Variants in ERCC8 observed in about 807,000 individuals in gnomAD.
ERCC8 encodes DNA excision repair protein ERCC-8.
A neutral mutation model predicts 54.9 loss-of-function variants in ERCC8; 52 were observed. The ratio of observed to expected loss-of-function variants is 0.95; its 90% confidence interval spans 0.76 to 1.19. The LOEUF (loss-of-function observed/expected upper bound fraction) is 1.19, where lower values mean the gene tolerates loss of function less well. Ranked by LOEUF, ERCC8 falls within the 50% of genes most tolerant of loss-of-function variation. The pLI, the probability that ERCC8 is intolerant of heterozygous loss-of-function variation, is 0.00. For synonymous variants in ERCC8, 146 were observed against 157.2 expected (o/e 0.93, Z 0.53); for missense variants, 514 against 466.1 (o/e 1.10, Z -0.95).
chr5:60,918,107 C>T, intron 4 of ERCC8, 158 bp downstream of exon 4: 1 of 635,074 alleles, frequency 1.6e-6, no homozygotes, highest in Non-Finnish European at 2.9e-6. Context: ...AGCAGCACAG[C>T]CAGGATATGA....
chr5:60,897,315 AATATATAATTT>A (rs1748750260), intron 9 of ERCC8, among the ~76,000 whole-genome samples: 1 of 152,142 alleles, frequency 6.6e-6, no homozygotes, highest in African/African-American at 2.4e-5. Context: ...TACCTAATCT[AATATATAATTT>A]ATCCATCTGT....
At chr5:60,880,352 G>T (rs1748170313) in intron 11 of ERCC8, among the ~76,000 whole-genome samples, 1 of 152,164 alleles carries the variant, frequency 6.6e-6, no homozygotes, top group African/African-American at 2.4e-5. Flanking sequence ...TCTTGGAGTT[G>T]CTCTTCTCGA....
chr5:60,893,568 G>T, intron 9 of ERCC8: 1 of 679,054 alleles, frequency 1.5e-6, no homozygotes, highest in Non-Finnish European at 2.7e-6. Flanking sequence ...TTGTTTCTAA[G>T]TTTCATCATC....
chr5:60,930,741 T>C (rs903418435), intron 1 of ERCC8, among the ~76,000 whole-genome samples: 10 of 151,990 alleles, frequency 6.6e-5, no homozygotes, highest in African/African-American at 2.4e-4. Flanking sequence ...CATTGCAATT[T>C]AGCCTTAGGT....
intron 2 of ERCC8, among the ~76,000 whole-genome samples, chr5:60,923,833 T>C (rs957834563): frequency 6.6e-6 from 1 of 152,138 alleles, no homozygotes; most frequent in Non-Finnish European, 1.5e-5. Flanking sequence ...CCATCAAAAA[T>C]TCTTCACAGA....
chr5:60,891,030 G>A lies in ERCC8; in HGVS notation c.900C>T (p.Ser300=). ...NSKKGLKFTV[S]CGCSSEFVFV... Reference sequence around the variant, plus strand: ...AAACAAATTCTGAACTGCAGCCACAGGAGACAGTGAATTTCAATCCTTTTT... The same window carrying A: ...AAACAAATTCTGAACTGCAGCCACAAGAGACAGTGAATTTCAATCCTTTTT... The change falls in exon 10 of 12, where the codon TCC becomes TCT. Residue 300 remains serine (S), a synonymous_variant. Coordinates refer to ENST00000676185, the MANE Select transcript of ERCC8 (RefSeq NM_000082.4). 6.2e-7 allele frequency: 1 copy of A among 1,613,392 alleles called. No homozygotes were observed. Among genetic ancestry groups the A allele is most frequent in the South Asian group, 1.1e-5 (1 of 91,066 alleles).
In ERCC8 at chr5:60,879,679, G is replaced by GATTACAACC. The variant is rs767849136; in HGVS notation, c.1123-5005_1123-4997dup. The stretch of plus-strand genomic sequence containing the variant: ...TAAAGTCTGTTTTATCAGAGACTAG[G>GATTACAACC]ATTACAACCTCTGCCTTTTTTTGTT... On this transcript the variant is annotated intron_variant, in intron 11 of 11. Transcript: ENST00000676185. Among the ~76,000 whole-genome samples the GATTACAACC allele has an allele frequency of 2.2e-3, 342 of 152,248 alleles. 1 individual carries two copies. The highest frequency in any genetic ancestry group is 3.7e-3 in the Non-Finnish European group (255 of 68,012).
chr5:60,906,089 A>T (rs1048738978), intron 4 of ERCC8, among the ~76,000 whole-genome samples: 1 of 152,178 alleles, frequency 6.6e-6, no homozygotes, highest in Non-Finnish European at 1.5e-5. Context: ...TTGTGATGTT[A>T]TATGCAGGAG....
intron 4 of ERCC8, among the ~76,000 whole-genome samples, chr5:60,915,696 C>A (rs897071085): frequency 6.6e-6 from 1 of 151,928 alleles, no homozygotes; most frequent in African/African-American, 2.4e-5. Flanking sequence ...TCAAAGCTAG[C>A]AATTTTACAT....
chr5:60,888,525 T>C (rs1473557722), intron 10 of ERCC8, among the ~76,000 whole-genome samples: 1 of 152,144 alleles, frequency 6.6e-6, no homozygotes, highest in Non-Finnish European at 1.5e-5. Flanking sequence ...AGTGAAGACA[T>C]AAAGGAAATT....
At chr5:60,894,986 T>C (rs878963128) in intron 9 of ERCC8, among the ~76,000 whole-genome samples, 1 of 151,966 alleles carries the variant, frequency 6.6e-6, no homozygotes, top group Non-Finnish European at 1.5e-5. Context: ...CTGGCCAAGA[T>C]GGTGAAATCC....
In ERCC8 at chr5:60,899,611, A is replaced by T; in HGVS notation, c.718+16T>A. The T allele has an allele frequency of 6.5e-7, 1 of 1,546,040 alleles. No individual in the cohort carries two copies. Among genetic ancestry groups the T allele is most frequent in the Non-Finnish European group, 8.9e-7 (1 of 1,119,246 alleles). The stretch of plus-strand genomic sequence containing the variant: ...AATACTATCATTGTCATATTTATTA[A>T]TGCGTTCTTCCTTACCTGATTCAAC... On this transcript the variant is annotated intron_variant, in intron 8 of 11. Transcript: ENST00000676185.
At chr5:60,904,915 T>A in intron 4 of ERCC8, 42 bp from the exon 5 acceptor site, 1 of 994,400 alleles carries the variant, frequency 1.0e-6, no homozygotes, top group Non-Finnish European at 1.6e-6. Context: ...GGTTTAAGTA[T>A]AAAAACAAAG....
At chr5:60,892,316 T>C (rs1236626505) in intron 9 of ERCC8, 2 of 558,186 alleles carry the variant, frequency 3.6e-6, no homozygotes, top group Non-Finnish European at 7.3e-6. Context: ...TTTGAGTGGG[T>C]CTGTGTCACC....
Position 60,899,665 on chromosome 5 carries a change from T to C in ERCC8, c.680A>G (p.Asp227Gly), listed in dbSNP as rs765708773. Residue 227 changes from aspartate (D) to glycine (G), a missense_variant, in exon 8 of 12, where the codon GAT (aspartate) becomes GGT (glycine). Coordinates refer to ENST00000676185, the MANE Select transcript of ERCC8 (RefSeq NM_000082.4). ...TTGTGACTTTTTCCCATTATGTTGATCAAGAGTAATCAAACATCCTGATGC... is the reference window on the plus strand; with the variant it reads ...TTGTGACTTTTTCCCATTATGTTGACCAAGAGTAATCAAACATCCTGATGC... ...RRASGCLITL[D>G]QHNGKKSQAV... 1.9e-6 allele frequency: 3 copies of C among 1,612,378 alleles called. No homozygotes were observed. In the East Asian group the frequency reaches 6.7e-5, roughly 36 times the overall value.
intron 11 of ERCC8, among the ~76,000 whole-genome samples, chr5:60,877,349 A>T (rs946458482): frequency 1.3e-5 from 2 of 152,122 alleles, no homozygotes; most frequent in African/African-American, 4.8e-5. Context: ...CTTAGGATTG[A>T]CTTGGCAATG....
intron 7 of ERCC8, among the ~76,000 whole-genome samples, chr5:60,901,260 T>C (rs1205848259): frequency 1.3e-5 from 2 of 152,016 alleles, no homozygotes; most frequent in Admixed American, 6.6e-5. Flanking sequence ...AGCCTTTTTG[T>C]GATTTTTTTC....
At chr5:60,876,895 T>C (rs1281741210) in intron 11 of ERCC8, among the ~76,000 whole-genome samples, 23 of 152,298 alleles carry the variant, frequency 1.5e-4, no homozygotes, top group Middle Eastern at 3.4e-3. Flanking sequence ...TTAGATCCCA[T>C]TTGTCAATTT....
chr5:60,926,576 A>T (rs1749756670), intron 2 of ERCC8, among the ~76,000 whole-genome samples: 1 of 152,248 alleles, frequency 6.6e-6, no homozygotes, highest in South Asian at 2.1e-4. Context: ...CTACTTAGTT[A>T]TTTTAAAAAA....
Sources: gnomAD v4.1 joint callset for allele counts (sites outside exome capture counted in the v4.1 genomes callset) on GRCh38, gnomAD v4.1.1 for gene constraint, MANE v1.5 for transcripts, NCBI Gene and HGNC (gene_info 2026-07-23, HGNC 2026-07-21) for gene names.